Variants in NHSL1 observed in about 807,000 individuals in gnomAD.
The protein encoded by NHSL1 is NHS like 1.
A neutral mutation model predicts 95.0 loss-of-function variants in NHSL1; 48 were observed. The ratio of observed to expected loss-of-function variants is 0.51; its 90% CI spans 0.40 to 0.64. The LOEUF is 0.64. Ranked by LOEUF, NHSL1 falls within the 30% of genes least tolerant of loss-of-function variation. The pLI, the probability that NHSL1 is intolerant of heterozygous loss-of-function variation, is 0.00. For missense variants in NHSL1, 1,971 were observed against 2,077.7 expected, an observed-to-expected ratio of 0.95 and a Z score of 1.00; for synonymous variants, 783 against 833.9, an observed-to-expected ratio of 0.94 and a Z score of 1.05.
chr6:138,633,820 T>G (rs143525511), intron 1 of NHSL1, among the ~76,000 whole-genome samples: 1,546 of 152,324 alleles, frequency 0.01, 29 homozygotes, highest in African/African-American at 0.035. Context: ...AAACTACTCT[T>G]ATTCTAAGTA....
intron 3 of NHSL1, among the ~76,000 whole-genome samples, chr6:138,453,921 C>T (rs1267290331): frequency 1.3e-5 from 2 of 151,270 alleles, no homozygotes; most frequent in African/African-American, 2.5e-5. Context: ...ATTAAGCGAT[C>T]CTTTCCTCAA....
At chr6:138,594,013 A>T (rs1412201562) in intron 1 of NHSL1, among the ~76,000 whole-genome samples, 1 of 152,212 alleles carries the variant, frequency 6.6e-6, no homozygotes, top group Admixed American at 6.5e-5. Flanking sequence ...TAGGGCAAAC[A>T]AAGTTTTTAA....
At chr6:138,669,176 G>A (rs904121429) in intron 1 of NHSL1, among the ~76,000 whole-genome samples, 1 of 152,060 alleles carries the variant, frequency 6.6e-6, no homozygotes, top group African/African-American at 2.4e-5. Context: ...CACATAGAAA[G>A]TGTCCTGGAG....
intron 1 of NHSL1, among the ~76,000 whole-genome samples, chr6:138,509,721 A>T (rs987020239): frequency 2.0e-5 from 3 of 152,178 alleles, no homozygotes; most frequent in Admixed American, 2.0e-4. Flanking sequence ...ATATTCTATG[A>T]TCCCTGTGCC....
intron 1 of NHSL1, among the ~76,000 whole-genome samples, chr6:138,635,075 C>T (rs1368807579): frequency 6.8e-6 from 1 of 146,914 alleles, no homozygotes; most frequent in South Asian, 2.2e-4. Flanking sequence ...CAAGTACCTA[C>T]ATTAAAAAAA....
intron 1 of NHSL1, among the ~76,000 whole-genome samples, chr6:138,523,456 C>T (rs915460208): frequency 6.6e-6 from 1 of 151,530 alleles, no homozygotes; most frequent in African/African-American, 2.4e-5. Flanking sequence ...ACTACAAGTG[C>T]GAGCCACCAC....
At chr6:138,555,504 C>T (rs1414725344) in intron 1 of NHSL1, among the ~76,000 whole-genome samples, 3 of 152,172 alleles carry the variant, frequency 2.0e-5, no homozygotes, top group African/African-American at 7.2e-5. Flanking sequence ...ACTTCAGTTC[C>T]TAACAAAGAA....
chr6:138,545,417 T>C (rs1782751963), intron 1 of NHSL1, among the ~76,000 whole-genome samples: 1 of 152,210 alleles, frequency 6.6e-6, no homozygotes, highest in Non-Finnish European at 1.5e-5. Context: ...CCTTTCTGTC[T>C]AGAAGAGAAT....
chr6:138,589,383 G>A (rs1386135136), intron 1 of NHSL1, among the ~76,000 whole-genome samples: 2 of 152,126 alleles, frequency 1.3e-5, no homozygotes, highest in South Asian at 2.1e-4. Context: ...GTGAGGAGAG[G>A]ACCAGAGAAT....
In NHSL1 at chr6:138,430,735, C is replaced by T. The variant is rs1178150225; in HGVS notation, c.3610G>A (p.Val1204Met). The T allele has an allele frequency of 7.7e-6, 12 of 1,551,586 alleles. No homozygotes were observed. Among genetic ancestry groups the T allele is most frequent in the Non-Finnish European group, 9.6e-6 (11 of 1,147,018 alleles). ...PISKKPKLFL[V>M]VPPPQKDFAV... is the part of the protein sequence containing the mutation. The stretch of plus-strand genomic sequence containing the variant: ...AAATCTTTCTGCGGAGGTGGTACCA[C>T]CAGGAACAGTTTGGGCTTCTTGGAA... Residue 1204 changes from valine (V) to methionine (M), a missense_variant, in exon 6 of 8, where the codon GTG becomes ATG. Val to Met is a conservative substitution (Grantham distance 21). This residue lies in a region of NHSL1 where 1,602 missense variants were observed against 1,654.5 expected (regional missense o/e 0.97). Coordinates refer to ENST00000343505, the MANE Select transcript of NHSL1 (RefSeq NM_001144060.2). The surrounding 1 kb of genome is among the most constrained non-coding windows in gnomAD (Gnocchi z 4.7).
chr6:138,471,208 G>T (rs1376352046), intron 3 of NHSL1, among the ~76,000 whole-genome samples: 2 of 152,112 alleles, frequency 1.3e-5, no homozygotes, highest in Non-Finnish European at 2.9e-5. Context: ...TGAGAATTTA[G>T]AAATTATTTT....
At chr6:138,632,960 T>C (rs1185333870) in intron 1 of NHSL1, among the ~76,000 whole-genome samples, 1 of 151,918 alleles carries the variant, frequency 6.6e-6, no homozygotes, top group East Asian at 1.9e-4. Flanking sequence ...AAATTCAAGA[T>C]AACACAGAAA....
chr6:138,528,326 G>A (rs1348069984), intron 1 of NHSL1, among the ~76,000 whole-genome samples: 1 of 152,014 alleles, frequency 6.6e-6, no homozygotes, highest in Non-Finnish European at 1.5e-5. Flanking sequence ...GAAGGGATGA[G>A]GTCATCTTTA....
chr6:138,592,379 A>G (rs1583438437), intron 1 of NHSL1, among the ~76,000 whole-genome samples: 3 of 152,182 alleles, frequency 2.0e-5, no homozygotes, highest in East Asian at 3.8e-4. Flanking sequence ...CGGGTGGATC[A>G]CTTGAGGCCA....
Position 138,431,547 on chromosome 6 carries a change from G to C in NHSL1, c.2798C>G (p.Pro933Arg). ...AGGGAATGGAGGAGAGGGAACAGGA[G>C]GAGGAGGAGGAGCCGGGGGAGAGCC... Reference protein sequence around the residue: ...AVGSPPAPPPPPVPSPPFPCP... With the variant: ...AVGSPPAPPPRPVPSPPFPCP... The change falls in exon 6 of 8, where the codon CCT (proline) becomes CGT (arginine). Residue 933 changes from proline to arginine, a missense_variant. Coordinates refer to ENST00000343505, the MANE Select transcript of NHSL1 (RefSeq NM_001144060.2). This position sits in a 1 kb window ranked among gnomAD's most constrained non-coding sequence, Gnocchi z 4.0. 1 of 1,551,006 alleles carries C rather than the reference G, an allele frequency of 6.4e-7. No individual in the cohort carries two copies. Among genetic ancestry groups the C allele is most frequent in the Non-Finnish European group, 8.7e-7 (1 of 1,146,550 alleles).
chr6:138,571,520 A>C (rs1562377663), intron 1 of NHSL1: 1 of 606,298 alleles, frequency 1.6e-6, no homozygotes, highest in Non-Finnish European at 2.9e-6. Context: ...TACAAGATAC[A>C]AGCTCAAGCT....
chr6:138,635,426 T>C (rs778797910), intron 1 of NHSL1, among the ~76,000 whole-genome samples: 1 of 152,108 alleles, frequency 6.6e-6, no homozygotes, highest in Non-Finnish European at 1.5e-5. Flanking sequence ...TGCCAATAAA[T>C]TGGAAAATCT....
At chr6:138,499,170 G>T in intron 1 of NHSL1, 63 bp downstream of exon 1, 1 of 1,057,324 alleles carries the variant, frequency 9.5e-7, no homozygotes, top group Non-Finnish European at 1.4e-6. Flanking sequence ...GACACACAGG[G>T]ACATATACAC....
At chr6:138,517,841 G>A (rs1781517928) in intron 1 of NHSL1, among the ~76,000 whole-genome samples, 1 of 152,198 alleles carries the variant, frequency 6.6e-6, no homozygotes, top group Admixed American at 6.5e-5. Context: ...GTGCTGCTGG[G>A]CTTGCCAGTA....
Sources: allele counts gnomAD v4.1 joint callset (sites outside exome capture counted in the v4.1 genomes callset), GRCh38; gene constraint gnomAD v4.1.1; regional missense constraint gnomAD v4.1.1; non-coding constraint Gnocchi (gnomAD v3.1); transcripts MANE v1.5; gene names NCBI Gene and HGNC (gene_info 2026-07-23, HGNC 2026-07-21).